Variants in PHKA2 observed in about 807,000 individuals in gnomAD.
PHKA2 encodes the protein phosphorylase kinase regulatory subunit alpha 2.
A neutral mutation model predicts 102.0 loss-of-function variants in PHKA2; 31 were observed. The ratio of observed to expected loss-of-function variants is 0.30; its 90% CI spans 0.23 to 0.41. The LOEUF (loss-of-function observed/expected upper bound fraction) is 0.41. PHKA2 is among the 10% of genes least tolerant of loss of function. PHKA2 has a pLI of 1.00. For missense variants in PHKA2, 858 were observed against 1,023.1 expected, an observed-to-expected ratio of 0.84 and a Z score of 2.20; for synonymous variants, 455 against 416.2, an observed-to-expected ratio of 1.09 and a Z score of -1.13.
intron 18 of PHKA2, among the ~76,000 whole-genome samples, chrX:18,919,151 C>A (rs894719425): frequency 5.4e-5 from 6 of 111,726 alleles, no homozygotes; most frequent in Non-Finnish European, 1.1e-4. Context: ...TGTAAGACAG[C>A]CTGAAGGATA....
chrX:18,943,468 C>T (rs1374866542), intron 7 of PHKA2, among the ~76,000 whole-genome samples: 1 of 112,535 alleles, frequency 8.9e-6, no homozygotes, highest in Non-Finnish European at 1.9e-5. Context: ...TCCATCTATA[C>T]AGCATCATGG....
chrX:18,944,798 T>C (rs1035497904), intron 6 of PHKA2, among the ~76,000 whole-genome samples: 2 of 112,079 alleles, frequency 1.8e-5, no homozygotes, highest in Non-Finnish European at 3.8e-5. Context: ...ACGTGCAGCT[T>C]CTTAAACAAC....
rs2049016991 is a variant in PHKA2 at position 18,971,375 on chromosome X, A to C, written c.78+12480T>G. Among the ~76,000 whole-genome samples the C allele has an allele frequency of 2.7e-5, 3 of 112,399 alleles. No homozygotes were observed. The Admixed American group carries it at 2.8e-4, about 11-fold the overall frequency. Reference sequence around the variant, plus strand: ...TCTCCTCTGCACATTGCTTGTTTACATTGTAGAATATGATACTATTATAGA... The same window carrying C: ...TCTCCTCTGCACATTGCTTGTTTACCTTGTAGAATATGATACTATTATAGA... On this transcript the variant is annotated intron_variant, in intron 1 of 32. Transcript: ENST00000379942.
At chrX:18,930,306 G>A (rs1185503669) in intron 12 of PHKA2, among the ~76,000 whole-genome samples, 1 of 111,435 alleles carries the variant, frequency 9.0e-6, no homozygotes, top group Admixed American at 9.5e-5. Flanking sequence ...AAGGGAAGTG[G>A]CTGAGTGGGG....
chrX:18,967,161 G>C (rs1358936602), intron 1 of PHKA2, among the ~76,000 whole-genome samples: 1 of 111,053 alleles, frequency 9.0e-6, no homozygotes, highest in Non-Finnish European at 1.9e-5. Flanking sequence ...ACTGGGGGTG[G>C]CTTTCTCTCA....
intron 6 of PHKA2, among the ~76,000 whole-genome samples, chrX:18,944,212 T>TA (rs1408420385): frequency 8.9e-6 from 1 of 111,991 alleles, no homozygotes; most frequent in African/African-American, 3.2e-5. Flanking sequence ...CAAGTGAAGT[T>TA]AGTGTTCTAC....
At chrX:18,900,638 A>G (rs1373437079) in intron 28 of PHKA2, 32 bp downstream of exon 28, 1 of 1,183,107 alleles carries the variant, frequency 8.5e-7, no homozygotes, top group South Asian at 1.8e-5. Context: ...AAGAACAGGA[A>G]GTAAAGGACG....
chrX:18,966,257 T>A (rs1449807932), intron 1 of PHKA2, among the ~76,000 whole-genome samples: 1 of 109,290 alleles, frequency 9.1e-6, no homozygotes, highest in African/African-American at 3.3e-5. Context: ...TCGGCTAATT[T>A]TTTTTTGTAT....
At chrX:18,905,709 T>C (rs369365532) in intron 26 of PHKA2, 49 bp downstream of exon 26, 209 of 834,550 alleles carry the variant, frequency 2.5e-4, no homozygotes, top group African/African-American at 1.0e-3. Context: ...GTCTGCTGCA[T>C]GTAAAGGAGG....
intron 13 of PHKA2, among the ~76,000 whole-genome samples, chrX:18,927,154 G>A (rs767674401): frequency 6.3e-5 from 7 of 111,802 alleles, no homozygotes; most frequent in Admixed American, 4.7e-4. Context: ...CAGAACCCCC[G>A]CACAGGGCCC....
In PHKA2 at chrX:18,941,512, G is replaced by A. The variant is rs1342417805; in HGVS notation, c.864+17C>T. ...CATCACACAGGACAGAAGGGCACCA[G>A]CATGACTAATGCTTACCTGGAGCTT... On this transcript the variant is annotated intron_variant, in intron 8 of 32. Coordinates refer to ENST00000379942, the MANE Select transcript of PHKA2 (RefSeq NM_000292.3). The A allele has an allele frequency of 3.3e-6, 4 of 1,203,465 alleles. No homozygotes were observed. Among genetic ancestry groups the A allele is most frequent in the African/African-American group, 3.5e-5 (2 of 57,777 alleles).
rs1167337564 is a variant in PHKA2 at position 18,893,686 on chromosome X, A to G, written c.3538-31T>C. ...GTAGGAAAGGGCAGAGGGGACAATA[A>G]GCGGAGCCCCCACTCCCCGTCACGC... On this transcript the variant is annotated intron_variant, in intron 32 of 32. Transcript: ENST00000379942. The G allele has an allele frequency of 3.4e-6, 4 of 1,176,894 alleles. No homozygotes were observed. The Admixed American group carries it at 8.7e-5, about 26-fold the overall frequency.
chrX:18,984,075 G>A lies in PHKA2; in HGVS notation c.-143C>T. ...ATGGGACCGGGCCGGAGGAGGTCGA[G>A]ACTTTTCTAAACGCTAGCCCCAAAG... On this transcript the variant is annotated 5_prime_UTR_variant, in exon 1 of 33. Coordinates refer to ENST00000379942, the MANE Select transcript of PHKA2 (RefSeq NM_000292.3). 1 of 517,418 alleles carries A rather than the reference G, an allele frequency of 1.9e-6. No individual in the cohort carries two copies. The allele number at this position is 517,418 out of a possible 1,213,427, so 42.6% of individuals were successfully genotyped here. A position where few individuals can be genotyped will look rare whatever the true frequency, so the allele number is the denominator to read the frequency against.
chrX:18,892,488 A>G lies in PHKA2; in HGVS notation c.*997T>C, dbSNP rs1027963085. 1 of 112,201 alleles carries G rather than the reference A, an allele frequency of 8.9e-6. No homozygotes were observed. Among genetic ancestry groups the G allele is most frequent in the Non-Finnish European group, 1.9e-5 (1 of 53,236 alleles). The allele number at this position is 112,201 out of a possible 1,213,427, so 9.2% of individuals were successfully genotyped here. On this transcript the variant is annotated 3_prime_UTR_variant, in exon 33 of 33. Coordinates refer to ENST00000379942, the MANE Select transcript of PHKA2 (RefSeq NM_000292.3). ...TCGGTGCCTCCAACTGCACCCACCC[A>G]AGAGAGTGAAGACCAAAGTGCTTCT...
chrX:18,911,443 G>C lies in PHKA2; in HGVS notation c.2138-483C>G, dbSNP rs140159643. Among the ~76,000 whole-genome samples the C allele has an allele frequency of 4.5e-3, 504 of 111,814 alleles. 2 individuals are homozygous for C. The highest frequency in any genetic ancestry group is 7.3e-3 in the Non-Finnish European group (386 of 53,161). On this transcript the variant is annotated intron_variant, in intron 19 of 32. Transcript: ENST00000379942. ...CCACCTCAGCCTCCCAAAGTGCTGG[G>C]AATACAGGCATGAGCCACTAGGCCC... is the stretch of plus-strand genomic sequence containing the variant.
rs1248735469 is a variant in PHKA2 at position 18,970,111 on chromosome X, T to C, written c.78+13744A>G. ...AAAATTAGCCAGGTGTGGAGGCATG[T>C]GCCTGTAGTCCCAGCTACTGGGGAG... is the stretch of plus-strand genomic sequence containing the variant. On this transcript the variant is annotated intron_variant, in intron 1 of 32. Transcript: ENST00000379942. 2.2e-4 allele frequency among the ~76,000 whole-genome samples: 25 copies of C among 111,478 alleles called. 1 individual carries two copies. In the Admixed American group the frequency reaches 2.4e-3, roughly 11 times the overall value.
At chrX:18,903,308 T>C (rs752013144) in intron 26 of PHKA2, among the ~76,000 whole-genome samples, 6 of 112,626 alleles carry the variant, frequency 5.3e-5, no homozygotes, top group Non-Finnish European at 1.1e-4. Context: ...TTAATATTTT[T>C]CTAAAGGGTT....
At position 18,895,142 on chromosome X, in the gene PHKA2, C is replaced by T. The variant is rs374245493; in HGVS notation, c.3332G>A (p.Arg1111Gln). The change falls in exon 31 of 33, where the codon CGA becomes CAA. Residue 1111 changes from arginine (R) to glutamine (Q), a missense_variant. Transcript: ENST00000379942. ...DGYVLPSSTT[R>Q]EMTPHEIKFA... is the part of the protein sequence containing the mutation. Reference sequence around the variant, plus strand: ...TCTGCGTTTTTCTCATCGTACCTCTCGGGTCGTCGAGGATGGGAGGACATA... The same window carrying T: ...TCTGCGTTTTTCTCATCGTACCTCTTGGGTCGTCGAGGATGGGAGGACATA... 5 of 1,208,872 alleles carry T rather than the reference C, an allele frequency of 4.1e-6. No homozygotes were observed. Among genetic ancestry groups the T allele is most frequent in the South Asian group, 1.8e-5 (1 of 56,710 alleles).
chrX:18,902,702 G>C (rs191008600), intron 26 of PHKA2: 4 of 110,533 alleles, frequency 3.6e-5, no homozygotes, highest in African/African-American at 1.3e-4. Context: ...TGGAGGTTGC[G>C]ATGAGCTGAG....
Sources: allele counts gnomAD v4.1 joint callset (sites outside exome capture counted in the v4.1 genomes callset), GRCh38; gene constraint gnomAD v4.1.1; transcripts MANE v1.5; gene names NCBI Gene and HGNC (gene_info 2026-07-23, HGNC 2026-07-21).